The following KSR2 variants were observed in gnomAD, a reference collection of about 807,000 sequenced individuals.
KSR2 encodes the protein kinase suppressor of ras 2.
KSR2 carries 25 observed loss-of-function variants against 107.8 expected under a neutral mutation model. The observed-to-expected ratio is 0.23, with a 90% CI of 0.17 to 0.32. KSR2 has a LOEUF of 0.32. Among genes scored for constraint, KSR2 ranks in the 10% least tolerant of loss-of-function variants. KSR2 has a pLI of 1.00. For synonymous variants in KSR2, 480 were observed against 507.0 expected (o/e 0.95, Z 0.71); for missense variants, 887 against 1,268.9 (o/e 0.70, Z 4.57).
At chr12:117,633,442 C>T (rs1275455171) in intron 5 of KSR2, among the ~76,000 whole-genome samples, 1 of 152,222 alleles carries the variant, frequency 6.6e-6, no homozygotes, top group East Asian at 1.9e-4. Context: ...CCCAGAACTA[C>T]TATAACAGAA....
At chr12:117,944,926 A>G (rs2137546791) in intron 1 of KSR2, among the ~76,000 whole-genome samples, 1 of 152,300 alleles carries the variant, frequency 6.6e-6, no homozygotes, top group South Asian at 2.1e-4. Flanking sequence ...TGACCATATT[A>G]TATCAGAGAA....
chr12:117,929,115 C>T (rs780571126), intron 1 of KSR2, among the ~76,000 whole-genome samples: 4 of 152,208 alleles, frequency 2.6e-5, no homozygotes, highest in Non-Finnish European at 4.4e-5. Context: ...AATTACTTCA[C>T]ATCTCTGCAT....
chr12:117,926,980 A>G (rs944347043), intron 1 of KSR2, among the ~76,000 whole-genome samples: 3 of 152,152 alleles, frequency 2.0e-5, no homozygotes, highest in African/African-American at 4.8e-5. Flanking sequence ...CTATATATGG[A>G]AAGTGCTTAG....
At chr12:117,820,941 A>G (rs1891542440) in intron 3 of KSR2, among the ~76,000 whole-genome samples, 1 of 151,936 alleles carries the variant, frequency 6.6e-6, no homozygotes, top group Admixed American at 6.6e-5. Context: ...GTTTTGTTAC[A>G]TTAAGGCCCT....
At chr12:117,686,340 A>T (rs1885574665) in intron 4 of KSR2, among the ~76,000 whole-genome samples, 1 of 149,136 alleles carries the variant, frequency 6.7e-6, no homozygotes, top group Non-Finnish European at 1.5e-5. Flanking sequence ...GGCTGGGATT[A>T]CAGACATGAG....
At chr12:117,895,027 C>G (rs535299920) in intron 1 of KSR2, among the ~76,000 whole-genome samples, 1 of 151,576 alleles carries the variant, frequency 6.6e-6, no homozygotes, top group East Asian at 2.0e-4. Context: ...TCCAGGAGTT[C>G]AAGACCAGCC....
intron 3 of KSR2, among the ~76,000 whole-genome samples, chr12:117,818,477 G>A (rs1364803172): frequency 6.6e-6 from 1 of 152,176 alleles, no homozygotes; most frequent in South Asian, 2.1e-4. Context: ...AGGGAGCTAA[G>A]AGACACAAAC....
At chr12:117,618,006 T>A (rs948699978) in intron 5 of KSR2, among the ~76,000 whole-genome samples, 1 of 152,230 alleles carries the variant, frequency 6.6e-6, no homozygotes, top group Non-Finnish European at 1.5e-5. Context: ...GTCTGATTTT[T>A]GCTCCTGGTT....
intron 3 of KSR2, among the ~76,000 whole-genome samples, chr12:117,817,027 A>G (rs896586022): frequency 6.6e-6 from 1 of 152,096 alleles, no homozygotes; most frequent in African/African-American, 2.4e-5. Context: ...AAACCAATGG[A>G]AAGATGAACA....
At chr12:117,606,682 G>GCCTGCCTC (rs1311211368) in intron 5 of KSR2, among the ~76,000 whole-genome samples, 1 of 88,752 alleles carries the variant, frequency 1.1e-5, no homozygotes, top group Non-Finnish European at 2.2e-5. Context: ...CTCCCTCCCT[G>GCCTGCCTC]CCTGCCTCCC....
At chr12:117,931,679 C>T (rs979024963) in intron 1 of KSR2, among the ~76,000 whole-genome samples, 5 of 152,182 alleles carry the variant, frequency 3.3e-5, no homozygotes, top group African/African-American at 7.2e-5. Context: ...CTGCTAGGCA[C>T]GGAGCCCAAA....
chr12:117,847,948 A>G (rs1892761421), intron 3 of KSR2, among the ~76,000 whole-genome samples: 1 of 152,218 alleles, frequency 6.6e-6, no homozygotes, highest in Non-Finnish European at 1.5e-5. Flanking sequence ...AGTGCTTGAT[A>G]AACACACGTG....
At chr12:117,614,558 A>G (rs1260586765) in intron 5 of KSR2, among the ~76,000 whole-genome samples, 1 of 152,204 alleles carries the variant, frequency 6.6e-6, no homozygotes, top group Admixed American at 6.5e-5. Context: ...TAATATCACT[A>G]TTAGGAGTAA....
intron 1 of KSR2, among the ~76,000 whole-genome samples, chr12:117,906,168 T>C (rs1266175787): frequency 1.3e-5 from 2 of 151,834 alleles, no homozygotes; most frequent in African/African-American, 4.8e-5. Flanking sequence ...CTGGCTGACA[T>C]GGCAAAACCC....
intron 1 of KSR2, among the ~76,000 whole-genome samples, chr12:117,956,788 A>T (rs182531155): frequency 1.8e-4 from 27 of 152,204 alleles, no homozygotes; most frequent in African/African-American, 6.5e-4. Context: ...TTTAATTTTT[A>T]AAAAAAGTTT....
intron 1 of KSR2, among the ~76,000 whole-genome samples, chr12:117,888,228 C>T (rs1894236296): frequency 6.6e-6 from 1 of 152,172 alleles, no homozygotes; most frequent in Non-Finnish European, 1.5e-5. Context: ...CCAGATTCAA[C>T]CCTGGACAAT....
chr12:117,713,716 T>A (rs116144504), intron 4 of KSR2, among the ~76,000 whole-genome samples: 1 of 152,160 alleles, frequency 6.6e-6, no homozygotes, highest in Non-Finnish European at 1.5e-5. Context: ...CAAAATTCTG[T>A]CCTCTCACTC....
At chr12:117,960,767 C>A (rs1021804788) in intron 1 of KSR2, among the ~76,000 whole-genome samples, 1 of 151,210 alleles carries the variant, frequency 6.6e-6, no homozygotes, top group African/African-American at 2.4e-5. Context: ...GTGGCAGAGA[C>A]TACTAGCTAT....
chr12:117,631,038 C>T (rs549944006), intron 5 of KSR2, among the ~76,000 whole-genome samples: 1 of 152,252 alleles, frequency 6.6e-6, no homozygotes, highest in East Asian at 1.9e-4. Context: ...GTTGAGTAAG[C>T]CAGGCGTGCT....
Sources: allele counts gnomAD v4.1 joint callset (sites outside exome capture counted in the v4.1 genomes callset), GRCh38; gene constraint gnomAD v4.1.1; transcripts MANE v1.5; gene names NCBI Gene and HGNC (gene_info 2026-07-23, HGNC 2026-07-21).